GRK5: variants seen among roughly 807,000 people sequenced by gnomAD.
GRK5 encodes g protein-coupled receptor kinase GRK5.
In GRK5, 40 loss-of-function variants were observed where a neutral mutation model predicts 78.4. That is an observed-to-expected ratio of 0.51 (90% CI 0.40 to 0.66). The LOEUF (loss-of-function observed/expected upper bound fraction) is 0.66, where lower values mean the gene tolerates loss of function less well. GRK5 is among the 30% of genes least tolerant of loss of function. GRK5 has a pLI of 0.00. For missense variants in GRK5, 598 were observed against 759.9 expected (o/e 0.79, Z 2.50); for synonymous variants, 289 against 296.8 (o/e 0.97, Z 0.27).
rs978875893 is a variant in GRK5, at chr10:119,412,722, C to A, written c.340-10444C>A. ...TCCTGTCAGCCAGGCCTTAAATCAACCCTCAAGTGAGGAAATGCTCTCTGC... is the reference window on the plus strand; with the variant it reads ...TCCTGTCAGCCAGGCCTTAAATCAAACCTCAAGTGAGGAAATGCTCTCTGC... On this transcript the variant is annotated intron_variant, in intron 4 of 15. Coordinates refer to ENST00000392870, the MANE Select transcript of GRK5 (RefSeq NM_005308.3). This position sits in a 1 kb window ranked among gnomAD's most constrained non-coding sequence, Gnocchi z 4.3. Among the ~76,000 whole-genome samples, 2 of 152,204 alleles carry A rather than the reference C, an allele frequency of 1.3e-5. No individual in the cohort carries two copies. The highest frequency in any genetic ancestry group is 4.8e-5 in the African/African-American group (2 of 41,444).
At position 119,431,674 on chromosome 10, in the gene GRK5, C is replaced by T. The variant is rs7099478; in HGVS notation, c.738+147C>T. 2.5e-5 allele frequency: 24 copies of T among 944,936 alleles called. No individual in the cohort carries two copies. The highest frequency in any genetic ancestry group is 5.4e-5 in the South Asian group (3 of 55,418). 58.5% of individuals were successfully genotyped at this position (944,936 alleles called of 1,614,324 possible). On this transcript the variant is annotated intron_variant, in intron 8 of 15. Coordinates refer to ENST00000392870, the MANE Select transcript of GRK5 (RefSeq NM_005308.3). This position sits in a 1 kb window ranked among gnomAD's most constrained non-coding sequence, Gnocchi z 4.8. ...TGGCAGCGCTGAGCTACAGAAAGGCCGCAAGACATTCCTCCATCACACGGC... is the reference window on the plus strand; with the variant it reads ...TGGCAGCGCTGAGCTACAGAAAGGCTGCAAGACATTCCTCCATCACACGGC...
At chr10:119,400,698 C>G (rs371513316) in intron 4 of GRK5, among the ~76,000 whole-genome samples, 1 of 152,064 alleles carries the variant, frequency 6.6e-6, no homozygotes, top group East Asian at 1.9e-4. Context: ...GCCAGTGCTT[C>G]GAGTGCCACT....
At chr10:119,444,954 G>A (rs1853114085) in intron 12 of GRK5, among the ~76,000 whole-genome samples, 1 of 152,246 alleles carries the variant, frequency 6.6e-6, no homozygotes, top group Non-Finnish European at 1.5e-5. Context: ...AGGAGGGTCT[G>A]GCTCGGCTCC....
chr10:119,426,818 C>A (rs989211255), intron 6 of GRK5, among the ~76,000 whole-genome samples: 1 of 152,052 alleles, frequency 6.6e-6, no homozygotes, highest in Non-Finnish European at 1.5e-5. Context: ...TCACCACCAT[C>A]ATCAGCATCA....
chr10:119,452,695 G>C lies in GRK5; in HGVS notation c.1429G>C (p.Val477Leu). 1.2e-6 allele frequency: 2 copies of C among 1,614,146 alleles called. No homozygotes were observed. Among genetic ancestry groups the C allele is most frequent in the Non-Finnish European group, 1.7e-6 (2 of 1,180,038 alleles). ...GCCCCGCGCTGTGTACTGTAAGGAC[G>C]TGCTGGACATCGAGCAGTTCTCCAC... ...PDPRAVYCKDVLDIEQFSTVK... is the reference protein window; with the variant it reads ...PDPRAVYCKDLLDIEQFSTVK... The change falls in exon 14 of 16, where the codon GTG (valine) becomes CTG (leucine). Residue 477 changes from valine (V) to leucine (L), a missense_variant. Coordinates refer to ENST00000392870, the MANE Select transcript of GRK5 (RefSeq NM_005308.3). The surrounding 1 kb of genome is among the most constrained non-coding windows in gnomAD (Gnocchi z 4.4).
At chr10:119,446,608 T>C (rs1853153578) in intron 12 of GRK5, among the ~76,000 whole-genome samples, 2 of 152,102 alleles carry the variant, frequency 1.3e-5, no homozygotes, top group Admixed American at 6.5e-5. Context: ...CCTTGAGCCT[T>C]TGTTGAACAG....
chr10:119,402,990 C>G (rs1332709331), intron 4 of GRK5, among the ~76,000 whole-genome samples: 2 of 152,216 alleles, frequency 1.3e-5, no homozygotes, highest in Non-Finnish European at 2.9e-5. Context: ...ACCATCACTG[C>G]TTTCTGATTC....
At chr10:119,427,425 GCAGCATCACTGCCATCAT>G (rs1852712820) in intron 6 of GRK5, among the ~76,000 whole-genome samples, 17 of 94,576 alleles carry the variant, frequency 1.8e-4, no homozygotes, top group African/African-American at 6.4e-4. Context: ...ACCACCATCA[GCAGCATCACTGCCATCAT>G]CAGCATCACC....
chr10:119,340,393 G>T (rs1850964098), intron 2 of GRK5, among the ~76,000 whole-genome samples: 1 of 152,126 alleles, frequency 6.6e-6, no homozygotes, highest in Non-Finnish European at 1.5e-5. Flanking sequence ...TCCCAAAGTG[G>T]CTGGGATTAC....
At position 119,334,305 on chromosome 10, in the gene GRK5, T is replaced by TA. The variant is rs1171777332; in HGVS notation, c.148+7702dup. 5.3e-5 allele frequency among the ~76,000 whole-genome samples: 8 copies of TA among 151,706 alleles called. 1 individual carries two copies. The South Asian group carries it at 1.2e-3, about 24-fold the overall frequency. The stretch of plus-strand genomic sequence containing the variant: ...GCCTAGGTGACAGAGCGAGACCCTC[T>TA]AAAAAAAAGAAAAAGAGAGAGAGAG... On this transcript the variant is annotated intron_variant, in intron 2 of 15. Coordinates refer to ENST00000392870, the MANE Select transcript of GRK5 (RefSeq NM_005308.3).
In GRK5 at chr10:119,242,029, G is replaced by A. The variant is rs532929675; in HGVS notation, c.52+34060G>A. Reference sequence around the variant, plus strand: ...TTAGTAGGTAAGAGTTGTCTCAGGTGCTAAGAGTTGTCTGCTTTTCTTCCT... The same window carrying A: ...TTAGTAGGTAAGAGTTGTCTCAGGTACTAAGAGTTGTCTGCTTTTCTTCCT... On this transcript the variant is annotated intron_variant, in intron 1 of 15. Coordinates refer to ENST00000392870, the MANE Select transcript of GRK5 (RefSeq NM_005308.3). Among the ~76,000 whole-genome samples, 291 of 152,244 alleles carry A rather than the reference G, an allele frequency of 1.9e-3. 1 individual carries two copies. The highest frequency in any genetic ancestry group is 6.7e-3 in the African/African-American group (277 of 41,542).
rs146310996 is a variant in GRK5 at position 119,208,986 on chromosome 10, C to A, written c.52+1017C>A. Among the ~76,000 whole-genome samples the A allele has an allele frequency of 5.3e-3, 805 of 151,868 alleles. 11 individuals are homozygous for A. The highest frequency in any genetic ancestry group is 0.019 in the African/African-American group (777 of 41,372). On this transcript the variant is annotated intron_variant, in intron 1 of 15. Coordinates refer to ENST00000392870, the MANE Select transcript of GRK5 (RefSeq NM_005308.3). The stretch of plus-strand genomic sequence containing the variant: ...AAAAGGGGAAGAGGTTTTTCCCTTT[C>A]ACGGGAGAACGCTTTATTTGATACA...
chr10:119,244,122 G>T (rs1055741539), intron 1 of GRK5, among the ~76,000 whole-genome samples: 5 of 152,262 alleles, frequency 3.3e-5, no homozygotes, highest in African/African-American at 1.2e-4. Flanking sequence ...TGCCATTGTA[G>T]TTTGAAAGCA....
intron 2 of GRK5, among the ~76,000 whole-genome samples, chr10:119,351,843 G>A (rs1367821684): frequency 2.6e-5 from 4 of 152,228 alleles, no homozygotes; most frequent in African/African-American, 9.6e-5. Context: ...AGCTCATAAA[G>A]TTCAAAGAAG....
intron 1 of GRK5, among the ~76,000 whole-genome samples, chr10:119,258,368 T>C (rs749374226): frequency 6.6e-6 from 1 of 152,240 alleles, no homozygotes; most frequent in African/African-American, 2.4e-5. Context: ...TTGGTGATTA[T>C]GAATAAAGCC....
At chr10:119,209,080 C>T (rs1354766857) in intron 1 of GRK5, among the ~76,000 whole-genome samples, 1 of 152,120 alleles carries the variant, frequency 6.6e-6, no homozygotes, top group African/African-American at 2.4e-5. Context: ...ATGAAAATGT[C>T]TTACCTGCTT....
chr10:119,417,434 A>G (rs1403856120), intron 4 of GRK5, among the ~76,000 whole-genome samples: 1 of 152,192 alleles, frequency 6.6e-6, no homozygotes, highest in Non-Finnish European at 1.5e-5. Context: ...CATTTGCTGT[A>G]CCAAGGGGTG....
chr10:119,407,157 C>G (rs1175071739), intron 4 of GRK5, among the ~76,000 whole-genome samples: 2 of 152,200 alleles, frequency 1.3e-5, no homozygotes, highest in Admixed American at 1.3e-4. Flanking sequence ...CTTCCCCTTC[C>G]CCTTCCCCAG....
chr10:119,245,915 G>C (rs1311422004), intron 1 of GRK5, among the ~76,000 whole-genome samples: 1 of 150,612 alleles, frequency 6.6e-6, no homozygotes, highest in African/African-American at 2.4e-5. Context: ...AGCTACTCGG[G>C]AGGCTGAGGC....
Sources: allele counts gnomAD v4.1 joint callset (sites outside exome capture counted in the v4.1 genomes callset), GRCh38; gene constraint gnomAD v4.1.1; non-coding constraint Gnocchi (gnomAD v3.1); transcripts MANE v1.5; gene names NCBI Gene and HGNC (gene_info 2026-07-23, HGNC 2026-07-21).